ZNF729: variants seen among roughly 807,000 people sequenced by gnomAD.
ZNF729 encodes the protein zinc finger protein 729.
A neutral mutation model predicts 12.2 loss-of-function variants in ZNF729; 15 were observed. The ratio of observed to expected loss-of-function variants is 1.23; its 90% CI spans 0.82 to 1.89. The LOEUF is 1.89. Among genes scored for constraint, ZNF729 ranks in the 40% most tolerant of loss-of-function variants. The pLI is 0.00. For missense variants in ZNF729, 1,540 were observed against 1,456.7 expected, an observed-to-expected ratio of 1.06 and a Z score of -0.93; for synonymous variants, 492 against 476.3, an observed-to-expected ratio of 1.03 and a Z score of -0.43.
chr19:22,314,904 C>G lies in ZNF729; in HGVS notation c.1487C>G (p.Ala496Gly). The G allele has an allele frequency of 6.2e-7, 1 of 1,613,246 alleles. No individual in the cohort carries two copies. Among genetic ancestry groups the G allele is most frequent in the Non-Finnish European group, 8.5e-7 (1 of 1,179,850 alleles). ...TACAAATGTGAAGAATGTGGCAAAG[C>G]TTTTAACCATTTCTCAGACCTTAGA... ...KPYKCEECGK[A>G]FNHFSDLRRH... The change falls in exon 4 of 4, where the codon GCT becomes GGT. Residue 496 changes from alanine to glycine, a missense_variant. Transcript: ENST00000601693.
intron 3 of ZNF729, among the ~76,000 whole-genome samples, chr19:22,309,445 A>C (rs891667223): frequency 3.3e-5 from 5 of 152,138 alleles, no homozygotes; most frequent in Admixed American, 6.5e-5. Context: ...ACTCCATCTC[A>C]GAAAAAAAAG....
At chr19:22,300,673 C>G (rs1032098176) in intron 1 of ZNF729, among the ~76,000 whole-genome samples, 1 of 152,194 alleles carries the variant, frequency 6.6e-6, no homozygotes, top group African/African-American at 2.4e-5. Flanking sequence ...ATTCTACAAA[C>G]TTCACAGGGC....
At position 22,314,340 on chromosome 19, in the gene ZNF729, A is replaced by G. The variant is rs1231982301; in HGVS notation, c.923A>G (p.Asn308Ser). The part of the protein sequence containing the change: ...GKAFKGSSNF[N>S]AHKVIHTAEK... ...GCTTTTAAGGGGTCCTCAAATTTTA[A>G]TGCACATAAGGTAATTCATACTGCA... The change falls in exon 4 of 4, where the codon AAT (asparagine) becomes AGT (serine). Residue 308 changes from asparagine (N) to serine (S), a missense_variant. Coordinates refer to ENST00000601693, the MANE Select transcript of ZNF729 (RefSeq NM_001242680.2). 1 of 1,608,640 alleles carries G rather than the reference A, an allele frequency of 6.2e-7. No individual in the cohort carries two copies. Among genetic ancestry groups the G allele is most frequent in the Non-Finnish European group, 8.5e-7 (1 of 1,178,796 alleles).
At chr19:22,297,648 T>G (rs763695109) in intron 1 of ZNF729, among the ~76,000 whole-genome samples, 13 of 75,004 alleles carry the variant, frequency 1.7e-4, no homozygotes, top group African/African-American at 1.7e-3. Flanking sequence ...GGTGTAGATA[T>G]ATATATATAT....
intron 1 of ZNF729, among the ~76,000 whole-genome samples, chr19:22,287,848 C>CTT (rs542002326): frequency 3.3e-4 from 45 of 138,290 alleles, no homozygotes; most frequent in South Asian, 2.1e-3. Flanking sequence ...ACTATTTGTC[C>CTT]TTTTTTTTTT....
Position 22,313,699 on chromosome 19 carries a change from T to A in ZNF729, c.282T>A (p.Leu94=). 2 of 1,528,282 alleles carry A rather than the reference T, an allele frequency of 1.3e-6. No individual in the cohort carries two copies. The highest frequency in any genetic ancestry group is 2.6e-5 in the South Asian group (2 of 76,830). 94.7% of individuals were successfully genotyped at this position (1,528,282 alleles called of 1,614,324 possible). A position where few individuals can be genotyped will look rare whatever the true frequency, so the allele number is the denominator to read the frequency against. ...TGCGTTCTCATTTTACACAAGACCT[T>A]TGGCCAGATCAGAGCACAAAAGATT... ...PVMRSHFTQD[L]WPDQSTKDSF... Residue 94 remains leucine (L), a synonymous_variant, in exon 4 of 4, where the codon CTT becomes CTA. Transcript: ENST00000601693.
At chr19:22,313,115 A>G (rs2145057225) in intron 3 of ZNF729, among the ~76,000 whole-genome samples, 1 of 151,414 alleles carries the variant, frequency 6.6e-6, no homozygotes, top group South Asian at 2.1e-4. Flanking sequence ...GGAGTGCACT[A>G]GCATAATCTC....
chr19:22,312,120 T>C (rs1968457402), intron 3 of ZNF729, among the ~76,000 whole-genome samples: 1 of 152,202 alleles, frequency 6.6e-6, no homozygotes, highest in African/African-American at 2.4e-5. Context: ...TCCTCATTTT[T>C]TTCAATTTTT....
At chr19:22,309,125 G>A (rs1396682865) in intron 3 of ZNF729, among the ~76,000 whole-genome samples, 1 of 152,106 alleles carries the variant, frequency 6.6e-6, no homozygotes. Flanking sequence ...TGTGTGGCTA[G>A]CCAATTATCC....
intron 1 of ZNF729, chr19:22,299,691 G>A (rs1968280073): frequency 6.5e-6 from 1 of 152,676 alleles, no homozygotes; most frequent in Non-Finnish European, 1.5e-5. Flanking sequence ...GAGAAATTTT[G>A]GAGCTATCTG....
chr19:22,289,007 G>C (rs1968117605), intron 1 of ZNF729, among the ~76,000 whole-genome samples: 1 of 151,976 alleles, frequency 6.6e-6, no homozygotes. Flanking sequence ...GAATGGAGTG[G>C]GAGAATCTCT....
In ZNF729 at chr19:22,315,895, T is replaced by G. The variant is rs755385924; in HGVS notation, c.2478T>G (p.Cys826Trp). 2 of 1,611,184 alleles carry G rather than the reference T, an allele frequency of 1.2e-6. No homozygotes were observed. Among genetic ancestry groups the G allele is most frequent in the Non-Finnish European group, 8.5e-7 (1 of 1,179,640 alleles). ...ATACTGGAGAGAAACCCTGCAAATG[T>G]GAAGAATGTGGCAAAGCTTTTAAGC... Reference protein sequence around the residue: ...VIHTGEKPCKCEECGKAFKHF... With the variant: ...VIHTGEKPCKWEECGKAFKHF... The change falls in exon 4 of 4, where the codon TGT (cysteine) becomes TGG (tryptophan). Residue 826 changes from cysteine to tryptophan, a missense_variant. Transcript: ENST00000601693.
chr19:22,301,120 T>C (rs2145048186), intron 1 of ZNF729, among the ~76,000 whole-genome samples: 1 of 152,324 alleles, frequency 6.6e-6, no homozygotes, highest in East Asian at 1.9e-4. Flanking sequence ...CACTGGACAC[T>C]ATAACTTGTA....
chr19:22,303,894 A>C lies in ZNF729; in HGVS notation c.157+10A>C, dbSNP rs753743587. 28 of 1,559,456 alleles carry C rather than the reference A, an allele frequency of 1.8e-5. No individual in the cohort carries two copies. Among genetic ancestry groups the C allele is most frequent in the Middle Eastern group, 3.5e-4 (2 of 5,752 alleles). On this transcript the variant is annotated intron_variant, in intron 2 of 3. Coordinates refer to ENST00000601693, the MANE Select transcript of ZNF729 (RefSeq NM_001242680.2). ...AACCTGGTCTTCCTGGGTGAGGATA[A>C]TTTTAATTAAGCAATTCCTATTATA...
At chr19:22,294,657 C>CTTTTTTTT (rs71180535) in intron 1 of ZNF729, among the ~76,000 whole-genome samples, 29 of 92,422 alleles carry the variant, frequency 3.1e-4, no homozygotes, top group Non-Finnish European at 4.1e-4. Context: ...TTTTCTTTTT[C>CTTTTTTTT]TTTTTTTTTT....
At chr19:22,286,679 C>A in intron 1 of ZNF729, 124 bp downstream of exon 1, 1 of 1,253,634 alleles carries the variant, frequency 8.0e-7, no homozygotes, top group Non-Finnish European at 1.2e-6. Context: ...GGAGTTCTTT[C>A]CCATCTCGGC....
rs56180581 is a variant in ZNF729 at position 22,293,494 on chromosome 19, A to ATTTTTTT, written c.30+6950_30+6956dup. 8.8e-3 allele frequency among the ~76,000 whole-genome samples: 844 copies of ATTTTTTT among 95,996 alleles called. 52 individuals are homozygous for ATTTTTTT. Among genetic ancestry groups the ATTTTTTT allele is most frequent in the Admixed American group, 0.029 (205 of 7,054 alleles). The allele number at this position is 95,996 out of a possible 152,430, so 63.0% of individuals were successfully genotyped here. A position where few individuals can be genotyped will look rare whatever the true frequency, so the allele number is the denominator to read the frequency against. On this transcript the variant is annotated intron_variant, in intron 1 of 3. Coordinates refer to ENST00000601693, the MANE Select transcript of ZNF729 (RefSeq NM_001242680.2). ...AGCCACCACTCCTAGCCTTTTGTCT[A>ATTTTTTT]TTTTTTTTTTTTTTTTTGAGACAGT...
chr19:22,307,316 ATTTTTTTTTTTTTTTT>A (rs35650592), intron 3 of ZNF729, among the ~76,000 whole-genome samples: 3 of 95,302 alleles, frequency 3.1e-5, no homozygotes, highest in African/African-American at 1.2e-4. Flanking sequence ...ACAATGTAGC[ATTTTTTTTTTTTTTTT>A]TTTTTTTTTT....
chr19:22,307,953 A>G (rs1968405355), intron 3 of ZNF729, among the ~76,000 whole-genome samples: 1 of 151,590 alleles, frequency 6.6e-6, no homozygotes, highest in African/African-American at 2.4e-5. Context: ...TGGGAGTTTT[A>G]TGCACTCATC....
Sources: allele counts gnomAD v4.1 joint callset (sites outside exome capture counted in the v4.1 genomes callset), GRCh38; gene constraint gnomAD v4.1.1; transcripts MANE v1.5; gene names NCBI Gene and HGNC (gene_info 2026-07-23, HGNC 2026-07-21).